The following CCDC102B variants were observed in gnomAD, a reference collection of about 807,000 sequenced individuals.
CCDC102B encodes coiled-coil domain-containing protein 102B.
In CCDC102B, 75 loss-of-function variants were observed where a neutral mutation model predicts 57.4. That is an observed-to-expected ratio of 1.31 (90% CI 1.08 to 1.58). The LOEUF (loss-of-function observed/expected upper bound fraction) is 1.58, where lower values mean the gene tolerates loss of function less well. Among genes scored for constraint, CCDC102B ranks in the 40% most tolerant of loss-of-function variants. The pLI, the probability that CCDC102B is intolerant of heterozygous loss-of-function variation, is 0.00. For missense variants in CCDC102B, 636 were observed against 582.6 expected (o/e 1.09, Z -0.94); for synonymous variants, 206 against 201.9 (o/e 1.02, Z -0.17).
chr18:68,905,413 G>A (rs547791300), intron 6 of CCDC102B, among the ~76,000 whole-genome samples: 2 of 150,446 alleles, frequency 1.3e-5, no homozygotes, highest in East Asian at 4.0e-4. Flanking sequence ...AAACTAAAAT[G>A]CAAGTTTGAG....
chr18:68,869,888 C>A lies in CCDC102B; in HGVS notation c.937-4781C>A, dbSNP rs117814343. ...GTTTAAGTCTTTAATCCATCTTGAG[C>A]TAATTCTTGTGTAAGGTGTAAGGAA... On this transcript the variant is annotated intron_variant, in intron 4 of 7. Coordinates refer to ENST00000360242, the MANE Select transcript of CCDC102B (RefSeq NM_024781.3). Among the ~76,000 whole-genome samples, 640 of 152,044 alleles carry A rather than the reference C, an allele frequency of 4.2e-3. 8 individuals carry two copies. Among genetic ancestry groups the A allele is most frequent in the Admixed American group, 7.0e-3 (107 of 15,256 alleles).
At chr18:68,925,115 A>ATTTT (rs1301101841) in intron 6 of CCDC102B, among the ~76,000 whole-genome samples, 2 of 152,086 alleles carry the variant, frequency 1.3e-5, no homozygotes, top group South Asian at 4.1e-4. Flanking sequence ...TATGCTATGG[A>ATTTT]AAAGCATTCT....
intron 6 of CCDC102B, among the ~76,000 whole-genome samples, chr18:68,995,513 A>G (rs1009018829): frequency 1.3e-5 from 2 of 152,112 alleles, no homozygotes; most frequent in African/African-American, 2.4e-5. Context: ...AGGGGCCAAC[A>G]TACAGCTCAG....
chr18:68,725,224 A>G (rs1316784101), intron 2 of CCDC102B, among the ~76,000 whole-genome samples: 1 of 152,230 alleles, frequency 6.6e-6, no homozygotes. Flanking sequence ...TTGGATGAGG[A>G]CACAGATAAC....
intron 7 of CCDC102B, among the ~76,000 whole-genome samples, chr18:69,013,636 G>A (rs747825302): frequency 4.6e-5 from 7 of 152,174 alleles, no homozygotes; most frequent in Non-Finnish European, 8.8e-5. Context: ...GTAATACACT[G>A]GAAAGCCAGT....
chr18:68,834,007 A>T (rs1460534127), intron 1 of CCDC102B, among the ~76,000 whole-genome samples: 1 of 107,562 alleles, frequency 9.3e-6, no homozygotes, highest in Admixed American at 1.1e-4. Context: ...ACATTTGTAT[A>T]GGGAAATGAA....
intron 2 of CCDC102B, chr18:68,718,159 T>C (rs979193680): frequency 2.6e-5 from 4 of 152,216 alleles, no homozygotes; most frequent in Non-Finnish European, 4.4e-5. Flanking sequence ...TTTTTTGTTA[T>C]AGAGCACCAA....
chr18:68,789,563 G>A (rs1183569564), intron 2 of CCDC102B, among the ~76,000 whole-genome samples: 31 of 147,796 alleles, frequency 2.1e-4, no homozygotes, highest in African/African-American at 6.3e-4. Flanking sequence ...TTCCCTTCTC[G>A]CTTCATTTCA....
intron 4 of CCDC102B, among the ~76,000 whole-genome samples, chr18:68,869,011 G>T (rs1470364785): frequency 6.6e-6 from 1 of 152,146 alleles, no homozygotes; most frequent in Non-Finnish European, 1.5e-5. Flanking sequence ...AGACACAGGG[G>T]AGGTGACAGA....
intron 2 of CCDC102B, among the ~76,000 whole-genome samples, chr18:68,747,327 A>G (rs1191821067): frequency 6.6e-6 from 1 of 151,998 alleles, no homozygotes; most frequent in Non-Finnish European, 1.5e-5. Flanking sequence ...GAGAACACAG[A>G]GTATTTGTCT....
chr18:68,716,466 T>C (rs1310284832), intron 1 of CCDC102B: 1 of 152,250 alleles, frequency 6.6e-6, no homozygotes. Context: ...ATGTGGCTAT[T>C]GAGCTTTTGA....
rs534507351 is a variant in CCDC102B at position 69,030,715 on chromosome 18, C to T, written c.1434+19611C>T. 1.2e-4 allele frequency among the ~76,000 whole-genome samples: 19 copies of T among 152,210 alleles called. No individual in the cohort carries two copies. The East Asian group carries it at 3.7e-3, about 29-fold the overall frequency. ...TGTCACCCAGGCTGGAGTGCAGTGG[C>T]GTGATCTCGGCTCACTGCAACCTCC... is the stretch of plus-strand genomic sequence containing the variant. On this transcript the variant is annotated intron_variant, in intron 7 of 7. Coordinates refer to ENST00000360242, the MANE Select transcript of CCDC102B (RefSeq NM_024781.3).
chr18:68,980,716 A>G (rs1007816260), intron 6 of CCDC102B, among the ~76,000 whole-genome samples: 1 of 152,002 alleles, frequency 6.6e-6, no homozygotes. Flanking sequence ...CCAAGGCCCA[A>G]AAGGCAGAAC....
rs2037857063 is a variant in CCDC102B, at chr18:68,846,361, G to A, written c.876G>A (p.Leu292=). Residue 292 remains leucine (L), a synonymous_variant, in exon 4 of 8, where the codon TTG becomes TTA. Transcript: ENST00000360242. ...AAATAGAGAGACTGGAGTCGGCTTT[G>A]TCTCTGTGGAAGTGGAAGTATGAAG... ...EKEIERLESA[L]SLWKWKYEEL... The A allele has an allele frequency of 4.4e-6, 7 of 1,586,012 alleles. No individual in the cohort carries two copies. The highest frequency in any genetic ancestry group is 6.0e-6 in the Non-Finnish European group (7 of 1,168,058).
At chr18:68,987,642 C>T (rs749994648) in intron 6 of CCDC102B, among the ~76,000 whole-genome samples, 1 of 152,062 alleles carries the variant, frequency 6.6e-6, no homozygotes, top group African/African-American at 2.4e-5. Flanking sequence ...AAAATATTCA[C>T]AAGCTATGCA....
At chr18:68,742,473 C>A (rs924826079) in intron 2 of CCDC102B, among the ~76,000 whole-genome samples, 1 of 152,204 alleles carries the variant, frequency 6.6e-6, no homozygotes, top group Non-Finnish European at 1.5e-5. Context: ...TGGGGATACA[C>A]AATTCAAACC....
At chr18:68,732,373 T>G (rs563700813) in intron 2 of CCDC102B, among the ~76,000 whole-genome samples, 2 of 150,820 alleles carry the variant, frequency 1.3e-5, no homozygotes, top group Non-Finnish European at 3.0e-5. Context: ...TGGGATGGAG[T>G]GTTGCTCTGT....
chr18:68,777,905 A>AT (rs2034878876), intron 2 of CCDC102B, among the ~76,000 whole-genome samples: 1 of 152,274 alleles, frequency 6.6e-6, no homozygotes, highest in African/African-American at 2.4e-5. Flanking sequence ...ATTTTCTTCG[A>AT]TTTTTAAAGG....
At chr18:68,990,295 G>A (rs1024334617) in intron 6 of CCDC102B, among the ~76,000 whole-genome samples, 1 of 152,220 alleles carries the variant, frequency 6.6e-6, no homozygotes, top group Admixed American at 6.5e-5. Flanking sequence ...CAAATAACAG[G>A]CCTTTCCAGC....
Sources: gnomAD v4.1 joint callset for allele counts (sites outside exome capture counted in the v4.1 genomes callset) on GRCh38, gnomAD v4.1.1 for gene constraint, MANE v1.5 for transcripts, NCBI Gene and HGNC (gene_info 2026-07-23, HGNC 2026-07-21) for gene names.